The following SNORC variants were observed in gnomAD, a reference collection of about 807,000 sequenced individuals.
SNORC encodes the protein secondary ossification center associated regulator of chondrocyte maturation.
Under a neutral mutation model 9.7 loss-of-function variants are expected in SNORC, and 11 were observed. That is an observed-to-expected ratio of 1.14 (90% confidence interval 0.72 to 1.88). The LOEUF (loss-of-function observed/expected upper bound fraction) is 1.88. SNORC is among the 40% of genes most tolerant of loss of function. The pLI, the probability that SNORC is intolerant of heterozygous loss-of-function variation, is 0.00. For missense variants in SNORC, 197 were observed against 173.1 expected (o/e 1.14, Z -0.77); for synonymous variants, 108 against 88.7 (o/e 1.22, Z -1.22).
chr2:232,876,115 G>A lies in SNORC; in HGVS notation c.249G>A (p.Gln83=), dbSNP rs765390767. ...GCACCGCGCAGGAGCGGCTGGACCA[G>A]GGCGGCGGTACGGGCGGGGCGGGGG... Residue 83 remains glutamine, a synonymous_variant, in exon 2 of 3, where the codon CAG becomes CAA. Transcript: ENST00000331342. This position sits in a 1 kb window ranked among gnomAD's most constrained non-coding sequence, Gnocchi z 6.8. The A allele has an allele frequency of 4.0e-6, 6 of 1,500,094 alleles. No individual in the cohort carries two copies. The South Asian group carries it at 5.0e-5, about 12-fold the overall frequency. The allele number at this position is 1,500,094 out of a possible 1,614,324, so 92.9% of individuals were successfully genotyped here.
upstream of SNORC, among the ~76,000 whole-genome samples, chr2:232,867,825 G>T (rs1378537399): frequency 6.6e-6 from 1 of 152,216 alleles, no homozygotes; most frequent in African/African-American, 2.4e-5. Flanking sequence ...CCAAAGTCTA[G>T]TGATCCCTGA....
At position 232,870,430 on chromosome 2, in the gene SNORC, C is replaced by T; in HGVS notation, c.73+16C>T. The stretch of plus-strand genomic sequence containing the variant: ...GTGCTCACAGGTAAGAGGTGAAGGC[C>T]CTTGTCTCAGCCACCACTAGCCTCC... On this transcript the variant is annotated intron_variant, in intron 1 of 2. Coordinates refer to ENST00000331342, the Ensembl canonical transcript of SNORC. 6.4e-7 allele frequency: 1 copy of T among 1,561,388 alleles called. No homozygotes were observed. Among genetic ancestry groups the T allele is most frequent in the Non-Finnish European group, 8.7e-7 (1 of 1,152,554 alleles).
At chr2:232,875,474 GGGCATCCTGTCT>G (rs776235473) in intron 1 of SNORC, 3 of 423,784 alleles carry the variant, frequency 7.1e-6, no homozygotes, top group African/African-American at 6.2e-5. Flanking sequence ...AGCGTTTCTG[GGGCATCCTGTCT>G]GGTTGCCGGG....
At chr2:232,874,476 T>C (rs1392317231) in intron 1 of SNORC, among the ~76,000 whole-genome samples, 2 of 152,232 alleles carry the variant, frequency 1.3e-5, no homozygotes, top group African/African-American at 4.8e-5. Context: ...TAGTCTCTGA[T>C]CTGGAACCTT....
chr2:232,873,958 T>C (rs534876225), intron 1 of SNORC, among the ~76,000 whole-genome samples: 1 of 152,330 alleles, frequency 6.6e-6, no homozygotes, highest in Admixed American at 6.5e-5. Flanking sequence ...CCATGGGGCC[T>C]CCTGCCAGAG....
At position 232,874,730 on chromosome 2, in the gene SNORC, C is replaced by T. The variant is rs574059958; in HGVS notation, c.74-1210C>T. On this transcript the variant is annotated intron_variant, in intron 1 of 2. Transcript: ENST00000331342. The stretch of plus-strand genomic sequence containing the variant: ...CCCCAGCGCTCAGGGATGGAACCCG[C>T]AGGGACAAAAGGTGCCCTAGGGTCG... Among the ~76,000 whole-genome samples, 12 of 152,364 alleles carry T rather than the reference C, an allele frequency of 7.9e-5. No homozygotes were observed. In the South Asian group the frequency reaches 2.1e-3, roughly 26 times the overall value.
chr2:232,875,664 C>T (rs1691200020), intron 1 of SNORC: 2 of 536,504 alleles, frequency 3.7e-6, no homozygotes, highest in Non-Finnish European at 3.3e-6. Context: ...CCAAATCCTG[C>T]CAACTCCCAA....
At chr2:232,875,526 C>A (rs1022170089) in intron 1 of SNORC, 8 of 414,994 alleles carry the variant, frequency 1.9e-5, no homozygotes, top group African/African-American at 1.7e-4. Context: ...GAGTGGTGGT[C>A]AGGGGAGGAC....
chr2:232,877,704 G>A (rs1426977531), downstream of SNORC: 1 of 152,232 alleles, frequency 6.6e-6, no homozygotes, highest in Non-Finnish European at 1.5e-5. Flanking sequence ...TAGGGTCAAG[G>A]CCTCATCCAA....
At chr2:232,877,051 ACT>A (rs1384086485), downstream of SNORC, 1 of 985,256 alleles carries the variant, frequency 1.0e-6, no homozygotes, top group African/African-American at 1.8e-5. Context: ...GGACGTCTTG[ACT>A]CTGAGTCCTG....
downstream of SNORC, chr2:232,877,475 A>G: frequency 2.1e-6 from 1 of 480,338 alleles, no homozygotes; most frequent in South Asian, 8.9e-5. Flanking sequence ...GGAGGCCAGC[A>G]GACCCCTTGG....
downstream of SNORC, chr2:232,877,369 TC>T: frequency 1.0e-6 from 1 of 985,330 alleles, no homozygotes. Flanking sequence ...TAAACTTTGA[TC>T]CTTTGATCAT....
chr2:232,866,513 C>G (rs541749034), upstream of SNORC, among the ~76,000 whole-genome samples: 2 of 152,320 alleles, frequency 1.3e-5, no homozygotes, highest in East Asian at 3.9e-4. Flanking sequence ...CACTCAATAA[C>G]TACTTGCTGA....
chr2:232,877,157 C>G (rs1050435156), downstream of SNORC: 1 of 985,586 alleles, frequency 1.0e-6, no homozygotes, highest in Non-Finnish European at 1.2e-6. Context: ...GAGTCGACGC[C>G]GGACACGGCC....
At chr2:232,877,493 T>C, downstream of SNORC, 1 of 301,420 alleles carries the variant, frequency 3.3e-6, no homozygotes, top group Non-Finnish European at 4.9e-6. Flanking sequence ...TGGGGACAGC[T>C]TAATGTATCT....
intron 1 of SNORC, 56 bp downstream of exon 1, chr2:232,870,470 A>ATCGG: frequency 6.8e-7 from 1 of 1,479,502 alleles, no homozygotes; most frequent in Non-Finnish European, 9.2e-7. Context: ...GCCGATAACT[A>ATCGG]CCTTGGGGCC....
downstream of SNORC, chr2:232,876,870 C>T: frequency 2.0e-6 from 2 of 985,558 alleles, no homozygotes; most frequent in Non-Finnish European, 1.2e-6. The surrounding 1 kb of genome is among the most constrained non-coding windows in gnomAD (Gnocchi z 6.8). Context: ...GCCGCGCTCC[C>T]CGGGGCCTGC....
upstream of SNORC, among the ~76,000 whole-genome samples, chr2:232,866,818 A>G (rs1165320326): frequency 2.0e-5 from 3 of 152,170 alleles, no homozygotes; most frequent in Admixed American, 1.3e-4. Flanking sequence ...GGTTCAAACA[A>G]TTCTCCTGCC....
upstream of SNORC, among the ~76,000 whole-genome samples, chr2:232,867,987 CAA>C (rs367721018): frequency 5.3e-5 from 8 of 152,266 alleles, no homozygotes; most frequent in African/African-American, 1.9e-4. Context: ...CCCTCTCTAT[CAA>C]GAGATTTTGG....
Sources: gnomAD v4.1 joint callset for allele counts (sites outside exome capture counted in the v4.1 genomes callset) on GRCh38, gnomAD v4.1.1 for gene constraint, Gnocchi (gnomAD v3.1) non-coding constraint, MANE v1.5 for transcripts, NCBI Gene and HGNC (gene_info 2026-07-23, HGNC 2026-07-21) for gene names.